FBXO31: variants seen among roughly 807,000 people sequenced by gnomAD.
The protein encoded by FBXO31 is F-box protein 31.
A neutral mutation model predicts 54.4 loss-of-function variants in FBXO31; 24 were observed. The observed-to-expected ratio is 0.44, with a 90% CI of 0.32 to 0.62. The LOEUF is 0.62. Among genes scored for constraint, FBXO31 ranks in the 20% least tolerant of loss-of-function variants. The pLI is 0.05. For missense variants in FBXO31, 665 were observed against 787.1 expected (o/e 0.84, Z 1.86); for synonymous variants, 388 against 335.6 (o/e 1.16, Z -1.71).
chr16:87,388,760 T>C (rs1907411501), upstream of FBXO31: 1 of 152,204 alleles, frequency 6.6e-6, no homozygotes, highest in South Asian at 2.1e-4. Flanking sequence ...GGTCATTTCC[T>C]GGTTTGAAAA....
In FBXO31 at chr16:87,342,899, C is replaced by T; in HGVS notation, c.710G>A (p.Arg237Lys). ...STKCNQTDHH[R>K]MSGGRQEEFR... ...CACCTCCTGCCTCCCGCCGGACATCCTGTGGTGGTCCGTCTGGTTGCACTT... is the reference window on the plus strand; with the variant it reads ...CACCTCCTGCCTCCCGCCGGACATCTTGTGGTGGTCCGTCTGGTTGCACTT... The change falls in exon 5 of 9, where the codon AGG (arginine) becomes AAG (lysine). Residue 237 changes from arginine to lysine, a missense_variant. Arg to Lys is a conservative substitution (Grantham distance 26). This residue lies in a region of FBXO31 where 234 missense variants were observed against 346.8 expected (regional missense o/e 0.67). Transcript: ENST00000311635. 4 of 1,606,340 alleles carry T rather than the reference C, an allele frequency of 2.5e-6. No homozygotes were observed. Among genetic ancestry groups the T allele is most frequent in the Non-Finnish European group, 3.4e-6 (4 of 1,176,796 alleles).
Position 87,346,376 on chromosome 16 carries a change from C to G in FBXO31, c.489+798G>C, listed in dbSNP as rs1419087876. 6.6e-6 allele frequency among the ~76,000 whole-genome samples: 1 copy of G among 152,048 alleles called. No individual in the cohort carries two copies. The highest frequency in any genetic ancestry group is 1.5e-5 in the Non-Finnish European group (1 of 68,022). ...CAGGAGAAAAGGCGGGGGCTAGACT[C>G]GAAAGAAACTTTCACTACTGTACCC... On this transcript the variant is annotated intron_variant, in intron 3 of 8. Transcript: ENST00000311635. This position sits in a 1 kb window ranked among gnomAD's most constrained non-coding sequence, Gnocchi z 4.2.
At chr16:87,383,956 G>A (rs1048883131), upstream of FBXO31, 21 of 261,998 alleles carry the variant, frequency 8.0e-5, no homozygotes, top group African/African-American at 4.5e-4. The surrounding 1 kb of genome is among the most constrained non-coding windows in gnomAD (Gnocchi z 4.9). Context: ...CCCCTCCAGC[G>A]TGAGGGCGCC....
At chr16:87,365,010 A>AAAATATATATATAT (rs1233086176) in intron 1 of FBXO31, among the ~76,000 whole-genome samples, 2 of 47,684 alleles carry the variant, frequency 4.2e-5, no homozygotes, top group African/African-American at 1.0e-4. Context: ...CCGTCTCTTA[A>AAAATATATATATAT]ATATATATAT....
chr16:87,343,933 G>C (rs538668646), intron 3 of FBXO31, among the ~76,000 whole-genome samples, 168 bp from the exon 4 acceptor site: 1 of 152,246 alleles, frequency 6.6e-6, no homozygotes, highest in Admixed American at 6.5e-5. Context: ...CTATCTTCCA[G>C]CTCTGAGATG....
intron 1 of FBXO31, among the ~76,000 whole-genome samples, chr16:87,372,987 A>C (rs1420382409): frequency 6.7e-6 from 1 of 148,224 alleles, no homozygotes; most frequent in African/African-American, 2.5e-5. Flanking sequence ...TACCCGCCTC[A>C]GCCTCCCAAA....
intron 1 of FBXO31, chr16:87,367,184 A>G (rs1368380260): frequency 6.6e-6 from 1 of 152,254 alleles, no homozygotes; most frequent in Admixed American, 6.5e-5. Flanking sequence ...AAATAAATAA[A>G]TAAACAAACA....
intron 7 of FBXO31, among the ~76,000 whole-genome samples, chr16:87,334,712 TGGA>T (rs1359943370): frequency 1.3e-5 from 2 of 152,238 alleles, no homozygotes; most frequent in Admixed American, 1.3e-4. Flanking sequence ...CCCTGATCCC[TGGA>T]GGCTCGGGGA....
intron 1 of FBXO31, among the ~76,000 whole-genome samples, chr16:87,368,740 A>C (rs539765306): frequency 6.6e-6 from 1 of 152,244 alleles, no homozygotes; most frequent in East Asian, 1.9e-4. Context: ...GGTTGGCAAA[A>C]TCTACTGAAG....
chr16:87,390,485 G>A (rs1421404385), upstream of FBXO31, among the ~76,000 whole-genome samples: 1 of 151,394 alleles, frequency 6.6e-6, no homozygotes, highest in Non-Finnish European at 1.5e-5. Context: ...CTTTCCCCCA[G>A]GCTGGAGTGC....
intron 1 of FBXO31, among the ~76,000 whole-genome samples, chr16:87,369,582 G>A (rs988396427): frequency 6.6e-6 from 1 of 152,190 alleles, no homozygotes; most frequent in Non-Finnish European, 1.5e-5. Context: ...TCATGGATGA[G>A]CACCTGGGAT....
At chr16:87,384,630 C>G (rs1049866394), upstream of FBXO31, among the ~76,000 whole-genome samples, 1 of 152,278 alleles carries the variant, frequency 6.6e-6, no homozygotes, top group Non-Finnish European at 1.5e-5. Flanking sequence ...GCGCACGTCG[C>G]CGTGGGCTCG....
chr16:87,343,441 C>T (rs1309554699), intron 4 of FBXO31, among the ~76,000 whole-genome samples, 157 bp downstream of exon 4: 7 of 152,256 alleles, frequency 4.6e-5, no homozygotes, highest in African/African-American at 1.2e-4. Flanking sequence ...GCCACGGAGG[C>T]GTAAACAATG....
intron 1 of FBXO31, among the ~76,000 whole-genome samples, chr16:87,379,399 G>A (rs1204824604): frequency 6.6e-6 from 1 of 152,188 alleles, no homozygotes; most frequent in African/African-American, 2.4e-5. Flanking sequence ...GGAGTGTGGA[G>A]GAATTCATCT....
intron 2 of FBXO31, among the ~76,000 whole-genome samples, chr16:87,350,648 T>C (rs1212702688): frequency 1.3e-5 from 2 of 152,092 alleles, no homozygotes; most frequent in East Asian, 1.9e-4. Flanking sequence ...GGCTGGGTGA[T>C]AACAAAATGG....
chr16:87,376,134 G>A (rs559537787), intron 1 of FBXO31, among the ~76,000 whole-genome samples: 1 of 152,062 alleles, frequency 6.6e-6, no homozygotes, highest in African/African-American at 2.4e-5. Context: ...CCTTAAACAC[G>A]CAAGCCTCAC....
chr16:87,367,422 A>G (rs550741287), intron 1 of FBXO31: 1 of 152,186 alleles, frequency 6.6e-6, no homozygotes, highest in Non-Finnish European at 1.5e-5. Flanking sequence ...ACTGAAGCAC[A>G]TCAAGATTCC....
At chr16:87,360,710 C>T (rs1217141904) in intron 1 of FBXO31, among the ~76,000 whole-genome samples, 1 of 152,244 alleles carries the variant, frequency 6.6e-6, no homozygotes, top group African/African-American at 2.4e-5. Context: ...GGACACAGTG[C>T]CATGTTTCCA....
At position 87,343,497 on chromosome 16, in the gene FBXO31, A is replaced by C. The variant is rs189186066; in HGVS notation, c.657+101T>G. 1.4e-4 allele frequency: 201 copies of C among 1,401,092 alleles called. No homozygotes were observed. The African/African-American group carries it at 2.6e-3, about 18-fold the overall frequency. The allele number at this position is 1,401,092 out of a possible 1,614,324, so 86.8% of individuals were successfully genotyped here. ...CCTCCCTCCCACCCGCCGATCTGCT[A>C]CAGCCCAGGTCTGCAGCTGAGAATA... On this transcript the variant is annotated intron_variant, in intron 4 of 8. Transcript: ENST00000311635.
Sources: gnomAD v4.1 joint callset for allele counts (sites outside exome capture counted in the v4.1 genomes callset) on GRCh38, gnomAD v4.1.1 for gene constraint, gnomAD v4.1.1 regional missense constraint, Gnocchi (gnomAD v3.1) non-coding constraint, MANE v1.5 for transcripts, NCBI Gene and HGNC (gene_info 2026-07-23, HGNC 2026-07-21) for gene names.